ATP8A1: variants seen among roughly 807,000 people sequenced by gnomAD.
ATP8A1 encodes the protein ATPase phospholipid transporting 8A1, also known as phospholipid-transporting ATPase IA.
A neutral mutation model predicts 177.7 loss-of-function variants in ATP8A1; 90 were observed. That is an observed-to-expected ratio of 0.51 (90% CI 0.43 to 0.60). The LOEUF (loss-of-function observed/expected upper bound fraction) is 0.60, where lower values mean the gene tolerates loss of function less well. ATP8A1 is among the 20% of genes least tolerant of loss of function. ATP8A1 has a pLI of 0.00. For missense variants in ATP8A1, 1,072 were observed against 1,392.8 expected, an observed-to-expected ratio of 0.77 and a Z score of 3.67; for synonymous variants, 493 against 485.9, an observed-to-expected ratio of 1.01 and a Z score of -0.19.
chr4:42,414,576 A>G (rs749873252), intron 36 of ATP8A1, 51 bp downstream of exon 36: 1 of 1,442,652 alleles, frequency 6.9e-7, no homozygotes, highest in Admixed American at 1.7e-5. Flanking sequence ...AAATGCTATG[A>G]TACAGCAATG....
chr4:42,462,348 G>T (rs139939649), intron 27 of ATP8A1, among the ~76,000 whole-genome samples: 1 of 152,202 alleles, frequency 6.6e-6, no homozygotes, highest in Non-Finnish European at 1.5e-5. Flanking sequence ...GGGTACACTC[G>T]TGCTGTGTGC....
chr4:42,439,005 C>T (rs1716318747), intron 33 of ATP8A1, among the ~76,000 whole-genome samples: 1 of 152,054 alleles, frequency 6.6e-6, no homozygotes, highest in Admixed American at 6.6e-5. Context: ...AGAGAAATGG[C>T]TCTGTCTTTG....
intron 6 of ATP8A1, among the ~76,000 whole-genome samples, chr4:42,598,750 CTCT>C (rs757082399): frequency 4.3e-4 from 65 of 152,154 alleles, no homozygotes; most frequent in Non-Finnish European, 7.2e-4. Context: ...GGAATGAGAC[CTCT>C]TCTTCACTTT....
In ATP8A1 at chr4:42,422,909, GA is replaced by G. The variant is rs754333686; in HGVS notation, c.3213-11del. ...AGCAGTCCTCTTGATACTGCAAAAA[GA>G]AAAAAAAAGGGATTTGCATGGAAAT... On this transcript the variant is annotated splice_polypyrimidine_tract_variant and intron_variant, in intron 34 of 36. Transcript: ENST00000381668. 1.1e-4 allele frequency: 175 copies of G among 1,546,896 alleles called. No individual in the cohort carries two copies. The highest frequency in any genetic ancestry group is 2.5e-4 in the Admixed American group (13 of 51,260).
chr4:42,532,943 A>G (rs1401281971), intron 20 of ATP8A1, among the ~76,000 whole-genome samples: 2 of 152,194 alleles, frequency 1.3e-5, no homozygotes, highest in Admixed American at 6.5e-5. Context: ...TTGTACGCCT[A>G]TCCCAAACCT....
chr4:42,576,911 T>G (rs905569976), intron 12 of ATP8A1, among the ~76,000 whole-genome samples: 1 of 152,240 alleles, frequency 6.6e-6, no homozygotes. Flanking sequence ...TGAGTTCAGA[T>G]ATTTTGCAAG....
chr4:42,520,875 A>T (rs1367145247), intron 22 of ATP8A1, among the ~76,000 whole-genome samples: 1 of 152,182 alleles, frequency 6.6e-6, no homozygotes, highest in Non-Finnish European at 1.5e-5. Context: ...CACCTTCCAT[A>T]AAAAGTGATA....
At chr4:42,542,971 A>G (rs112406008) in intron 20 of ATP8A1, among the ~76,000 whole-genome samples, 1 of 152,192 alleles carries the variant, frequency 6.6e-6, no homozygotes, top group African/African-American at 2.4e-5. Context: ...CCTATCTCCA[A>G]AATGCAGTTC....
chr4:42,502,856 TATTAA>T (rs1723992596), intron 24 of ATP8A1, among the ~76,000 whole-genome samples: 1 of 152,254 alleles, frequency 6.6e-6, no homozygotes, highest in Admixed American at 6.5e-5. Context: ...TTTACTTTAA[TATTAA>T]CAGGTCACTT....
rs1474898118 is a variant in ATP8A1 at position 42,455,325 on chromosome 4, G to T, written c.2789C>A (p.Ser930Tyr). The stretch of plus-strand genomic sequence containing the variant: ...GGTGTTGAAGTCCAGGGCATTCTGA[G>T]ATGTTTTGTATAATTCAGGGTACTT... ...MLKYPELYKT[S>Y]QNALDFNTKV... is the part of the protein sequence containing the mutation. The change falls in exon 29 of 37, where the codon TCT becomes TAT. Residue 930 changes from serine to tyrosine, a missense_variant. Ser to Tyr is a moderately radical substitution (Grantham distance 144, BLOSUM62 -2). Coordinates refer to ENST00000381668, the MANE Select transcript of ATP8A1 (RefSeq NM_006095.2). 1 of 1,613,830 alleles carries T rather than the reference G, an allele frequency of 6.2e-7. No homozygotes were observed. The highest frequency in any genetic ancestry group is 8.5e-7 in the Non-Finnish European group (1 of 1,179,772).
At chr4:42,543,740 A>G (rs1728623875) in intron 20 of ATP8A1, among the ~76,000 whole-genome samples, 177 bp downstream of exon 20, 1 of 152,216 alleles carries the variant, frequency 6.6e-6, no homozygotes, top group Non-Finnish European at 1.5e-5. Context: ...AAATTTACCC[A>G]GAAGGAATTC....
chr4:42,507,234 T>C (rs1724464076), intron 22 of ATP8A1, 80 bp from the exon 23 acceptor site: 1 of 1,406,274 alleles, frequency 7.1e-7, no homozygotes, highest in African/African-American at 1.4e-5. Flanking sequence ...GTGTATATGT[T>C]TTAAAATCAG....
Position 42,611,414 on chromosome 4 carries a change from C to T in ATP8A1, c.409+4619G>A, listed in dbSNP as rs150066216. Among the ~76,000 whole-genome samples, 801 of 152,316 alleles carry T rather than the reference C, an allele frequency of 5.3e-3. 11 individuals are homozygous for T. Among genetic ancestry groups the T allele is most frequent in the African/African-American group, 0.018 (745 of 41,576 alleles). ...GTACGATATTAAACAATTTAGCCTT[C>T]ATTTAACTATAGCATCAAACCAGTT... On this transcript the variant is annotated intron_variant, in intron 5 of 36. Transcript: ENST00000381668.
chr4:42,582,898 T>C (rs1733241087), intron 9 of ATP8A1, among the ~76,000 whole-genome samples: 1 of 152,146 alleles, frequency 6.6e-6, no homozygotes, highest in Non-Finnish European at 1.5e-5. Flanking sequence ...CTAGAGTTCT[T>C]GAGGAAAATG....
rs73153078 is a variant in ATP8A1, at chr4:42,427,912, C to T, written c.3124-4207G>A. Among the ~76,000 whole-genome samples the T allele has an allele frequency of 5.1e-3, 773 of 152,352 alleles. 8 individuals are homozygous for T. The highest frequency in any genetic ancestry group is 0.017 in the African/African-American group (706 of 41,578). ...CTTTCCCCTACATCCTTCTTACAAA[C>T]ATCCCACACAACTAATTTTGGGGAA... is the stretch of plus-strand genomic sequence containing the variant. On this transcript the variant is annotated intron_variant, in intron 33 of 36. Transcript: ENST00000381668.
intron 8 of ATP8A1, 115 bp downstream of exon 8, chr4:42,588,120 TAAAACCTCTTTGTTGTGGTTCCATG>T: frequency 6.7e-6 from 4 of 598,042 alleles, no homozygotes; most frequent in South Asian, 2.5e-5. Context: ...TACCAGTTTA[TAAAACCTCTTTGTTGTGGTTCCATG>T]GGAACATATT....
intron 24 of ATP8A1, among the ~76,000 whole-genome samples, chr4:42,500,948 G>A (rs1723795852): frequency 6.6e-6 from 1 of 152,048 alleles, no homozygotes; most frequent in Non-Finnish European, 1.5e-5. Flanking sequence ...TCTAGATTAT[G>A]GAAGACAAAG....
At chr4:42,637,301 G>A (rs943034113) in intron 1 of ATP8A1, 1 of 484,528 alleles carries the variant, frequency 2.1e-6, no homozygotes, top group East Asian at 5.5e-5. Flanking sequence ...CCCTAAACAA[G>A]CTCTGAGTCC....
At chr4:42,559,185 T>TAAAAC (rs1160404243) in intron 15 of ATP8A1, among the ~76,000 whole-genome samples, 2 of 152,008 alleles carry the variant, frequency 1.3e-5, no homozygotes, top group African/African-American at 2.4e-5. Context: ...GATCATCTCT[T>TAAAAC]AAAACAAAAC....
Sources: gnomAD v4.1 joint callset for allele counts (sites outside exome capture counted in the v4.1 genomes callset) on GRCh38, gnomAD v4.1.1 for gene constraint, MANE v1.5 for transcripts, NCBI Gene and HGNC (gene_info 2026-07-23, HGNC 2026-07-21) for gene names.